Variants in SHQ1 observed in about 807,000 individuals in gnomAD.
The protein encoded by SHQ1 is SHQ1, H/ACA ribonucleoprotein assembly factor.
In SHQ1, 49 loss-of-function variants were observed where a neutral mutation model predicts 53.8. That is an observed-to-expected ratio of 0.91 (90% CI 0.72 to 1.16). The LOEUF is 1.16. SHQ1 is among the 50% of genes most tolerant of loss of function. The pLI is 0.00. For missense variants in SHQ1, 738 were observed against 683.1 expected, an observed-to-expected ratio of 1.08 and a Z score of -0.90; for synonymous variants, 243 against 251.0, an observed-to-expected ratio of 0.97 and a Z score of 0.30.
At chr3:72,745,929 G>A (rs563040723), downstream of SHQ1, among the ~76,000 whole-genome samples, 39 of 149,686 alleles carry the variant, frequency 2.6e-4, no homozygotes, top group Admixed American at 6.0e-4. Flanking sequence ...TGCAATCTCC[G>A]CCTCCCAGGT....
chr3:72,804,034 G>A (rs761787758), intron 9 of SHQ1, among the ~76,000 whole-genome samples: 7 of 151,968 alleles, frequency 4.6e-5, no homozygotes, highest in South Asian at 2.1e-4. Context: ...CTCCTGCCTC[G>A]GGATCCCAAG....
chr3:72,748,593 A>C (rs1352039283), downstream of SHQ1, among the ~76,000 whole-genome samples: 1 of 152,086 alleles, frequency 6.6e-6, no homozygotes, highest in African/African-American at 2.4e-5. Context: ...TGGGGGGCTG[A>C]GGCATGAGAA....
the SHQ1 span, among the ~76,000 whole-genome samples, chr3:72,740,360 C>T: frequency 6.6e-6 from 1 of 152,162 alleles, no homozygotes; most frequent in African/African-American, 2.4e-5. Flanking sequence ...TGCTGGCAGC[C>T]ATCTTGAGAC....
chr3:72,846,337 C>G, intron 1 of SHQ1: 1 of 1,517,958 alleles, frequency 6.6e-7, no homozygotes, highest in South Asian at 1.2e-5. Context: ...CTCTGTTACT[C>G]AGGCTGGAGT....
At chr3:72,808,324 C>T (rs1263974798) in intron 9 of SHQ1, among the ~76,000 whole-genome samples, 1 of 152,144 alleles carries the variant, frequency 6.6e-6, no homozygotes, top group South Asian at 2.1e-4. Flanking sequence ...TACACCCCAC[C>T]CACTTTCCCA....
intron 1 of SHQ1, among the ~76,000 whole-genome samples, chr3:72,844,760 T>C (rs1006622541): frequency 1.8e-4 from 28 of 152,190 alleles, no homozygotes. Flanking sequence ...AATCTGAAAC[T>C]TTTTGAGCAC....
At chr3:72,821,783 T>G (rs1170387282) in intron 6 of SHQ1, among the ~76,000 whole-genome samples, 1 of 152,190 alleles carries the variant, frequency 6.6e-6, no homozygotes, top group Admixed American at 6.5e-5. Context: ...AGCAGAAAAC[T>G]GTGATGTTTA....
the SHQ1 span, among the ~76,000 whole-genome samples, chr3:72,731,957 C>T: frequency 2.0e-5 from 3 of 151,532 alleles, no homozygotes; most frequent in Non-Finnish European, 4.4e-5. Context: ...GCCCTTCTTC[C>T]CTGGAAGCCA....
intron 1 of SHQ1, chr3:72,846,396 G>A: frequency 8.1e-7 from 1 of 1,241,540 alleles, no homozygotes; most frequent in Non-Finnish European, 1.1e-6. Context: ...CCAGGTTCAA[G>A]CGATTCTCTC....
rs184464494 is a variant in SHQ1 at position 72,780,001 on chromosome 3, C to G, written c.1181+12915G>C. On this transcript the variant is annotated intron_variant, in intron 10 of 10. Coordinates refer to ENST00000325599, the MANE Select transcript of SHQ1 (RefSeq NM_018130.3). ...TATAATCCTAGCACTTTTGGGAGGC[C>G]AAGGCAGGAGGACTGCTTGAGGCCA... is the stretch of plus-strand genomic sequence containing the variant. Among the ~76,000 whole-genome samples the G allele has an allele frequency of 2.5e-3, 384 of 152,278 alleles. 2 individuals carry two copies. Among genetic ancestry groups the G allele is most frequent in the African/African-American group, 9.0e-3 (373 of 41,560 alleles).
At chr3:72,743,643 C>G in the SHQ1 span, among the ~76,000 whole-genome samples, 1 of 152,222 alleles carries the variant, frequency 6.6e-6, no homozygotes, top group Non-Finnish European at 1.5e-5. Context: ...TAGTAAAGAG[C>G]TGTCGAGTGT....
At chr3:72,754,366 T>TCTC (rs1478213095) in intron 10 of SHQ1, among the ~76,000 whole-genome samples, 3 of 150,434 alleles carry the variant, frequency 2.0e-5, no homozygotes, top group African/African-American at 7.3e-5. Flanking sequence ...AAAGTGTTCT[T>TCTC]CTCTTCTTTT....
At chr3:72,825,762 T>C (rs565577579) in intron 5 of SHQ1, among the ~76,000 whole-genome samples, 1 of 152,362 alleles carries the variant, frequency 6.6e-6, no homozygotes, top group African/African-American at 2.4e-5. Flanking sequence ...ATTTTCTAAC[T>C]GATAGTTTTA....
Position 72,792,965 on chromosome 3 carries a change from G to A in SHQ1, c.1132C>T (p.Leu378=). Residue 378 remains leucine (L), a synonymous_variant, in exon 10 of 11, where the codon CTG becomes TTG. Coordinates refer to ENST00000325599, the MANE Select transcript of SHQ1 (RefSeq NM_018130.3). ...IFQENDPAYI[L]NDLYISDYCV... ...TAGTCTGAGATGTAGAGATCATTCAGTATGTACGCTGGGTCATTTTCCTGA... is the reference window on the plus strand; with the variant it reads ...TAGTCTGAGATGTAGAGATCATTCAATATGTACGCTGGGTCATTTTCCTGA... The A allele has an allele frequency of 6.2e-7, 1 of 1,612,046 alleles. No homozygotes were observed. The highest frequency in any genetic ancestry group is 8.5e-7 in the Non-Finnish European group (1 of 1,179,514).
the SHQ1 span, among the ~76,000 whole-genome samples, chr3:72,733,513 G>A: frequency 6.6e-6 from 1 of 151,628 alleles, no homozygotes; most frequent in South Asian, 2.1e-4. Context: ...GTCTCCCCTG[G>A]AGGAAGAAAA....
Position 72,841,061 on chromosome 3 carries a change from A to T in SHQ1, c.470T>A (p.Val157Glu), listed in dbSNP as rs763434951. Reference sequence around the variant, plus strand: ...ACAACATACCTGTAACCGTTGCAACACTCCTGATCGTAAGTTTCCAAATCC... The same window carrying T: ...ACAACATACCTGTAACCGTTGCAACTCTCCTGATCGTAAGTTTCCAAATCC... ...HYGFGNLRSG[V>E]LQRLQDELSD... Residue 157 changes from valine to glutamate, a missense_variant, in exon 4 of 11, where the codon GTG (valine) becomes GAG (glutamate). Coordinates refer to ENST00000325599, the MANE Select transcript of SHQ1 (RefSeq NM_018130.3). 1 of 1,612,834 alleles carries T rather than the reference A, an allele frequency of 6.2e-7. No homozygotes were observed. The highest frequency in any genetic ancestry group is 1.1e-5 in the South Asian group (1 of 90,714).
intron 2 of SHQ1, among the ~76,000 whole-genome samples, chr3:72,843,688 T>C (rs533122322): frequency 6.6e-6 from 1 of 152,364 alleles, no homozygotes; most frequent in South Asian, 2.1e-4. Context: ...AGTTTCACTA[T>C]ACTTCATTAC....
chr3:72,763,208 T>C (rs1448738901), intron 10 of SHQ1, among the ~76,000 whole-genome samples: 1 of 152,202 alleles, frequency 6.6e-6, no homozygotes, highest in East Asian at 1.9e-4. Flanking sequence ...GGACTGCAAG[T>C]CGCAGGCTGA....
At chr3:72,763,075 A>G (rs975092081) in intron 10 of SHQ1, among the ~76,000 whole-genome samples, 6 of 152,002 alleles carry the variant, frequency 3.9e-5, no homozygotes, top group Admixed American at 1.3e-4. Context: ...AGAGAGAGAG[A>G]GAGAGAGAGA....
Sources: allele counts gnomAD v4.1 joint callset (sites outside exome capture counted in the v4.1 genomes callset), GRCh38; gene constraint gnomAD v4.1.1; transcripts MANE v1.5; gene names NCBI Gene and HGNC (gene_info 2026-07-23, HGNC 2026-07-21).